The following HPGDS variants were observed in gnomAD, a reference collection of about 807,000 sequenced individuals.
The protein encoded by HPGDS is GST class-sigma.
A neutral mutation model predicts 23.1 loss-of-function variants in HPGDS; 26 were observed. The observed-to-expected ratio is 1.13, with a 90% CI of 0.83 to 1.56. The LOEUF is 1.56. Among genes scored for constraint, HPGDS ranks in the 40% most tolerant of loss-of-function variants. The pLI, the probability that HPGDS is intolerant of heterozygous loss-of-function variation, is 0.00. For missense variants in HPGDS, 268 were observed against 236.4 expected (o/e 1.13, Z -0.88); for synonymous variants, 95 against 77.9 (o/e 1.22, Z -1.16).
chr4:94,336,912 AAG>A (rs1285278964), intron 1 of HPGDS, among the ~76,000 whole-genome samples: 7 of 151,818 alleles, frequency 4.6e-5, no homozygotes, highest in African/African-American at 1.7e-4. Context: ...AGAGTGGAAA[AAG>A]TTTGATTATT....
At chr4:94,324,609 C>G (rs556922569) in intron 2 of HPGDS, among the ~76,000 whole-genome samples, 7 of 152,264 alleles carry the variant, frequency 4.6e-5, no homozygotes, top group African/African-American at 1.4e-4. Flanking sequence ...TCAGCTCCAT[C>G]AAGTCATTTA....
chr4:94,325,653 G>A (rs182861091), intron 2 of HPGDS, among the ~76,000 whole-genome samples: 1 of 152,180 alleles, frequency 6.6e-6, no homozygotes, highest in East Asian at 1.9e-4. Context: ...GCAGTATTTG[G>A]GTGGCAGTGT....
In HPGDS at chr4:94,317,946, G is replaced by T; in HGVS notation, c.153C>A (p.Ile51=). 6.2e-7 allele frequency: 1 copy of T among 1,609,818 alleles called. No individual in the cohort carries two copies. Among genetic ancestry groups the T allele is most frequent in the Non-Finnish European group, 8.5e-7 (1 of 1,177,354 alleles). Residue 51 remains isoleucine (I), a synonymous_variant, in exon 3 of 6, where the codon ATC becomes ATA. Coordinates refer to ENST00000295256, the MANE Select transcript of HPGDS (RefSeq NM_014485.3). ...EIKSTLPFGK[I]PILEVDGLTL... ...TAAGTCCATCAACTTCCAAAATGGGGATTTTTCCAAATGGGAGAGCTTAAA... is the reference window on the plus strand; with the variant it reads ...TAAGTCCATCAACTTCCAAAATGGGTATTTTTCCAAATGGGAGAGCTTAAA...
At chr4:94,303,226 G>A (rs545339713) in intron 4 of HPGDS, among the ~76,000 whole-genome samples, 315 of 152,096 alleles carry the variant, frequency 2.1e-3, no homozygotes, top group African/African-American at 7.3e-3. Flanking sequence ...ATTTGCAAAA[G>A]CATCCTTACA....
At chr4:94,315,249 A>C (rs962709837) in intron 3 of HPGDS, among the ~76,000 whole-genome samples, 5 of 152,148 alleles carry the variant, frequency 3.3e-5, no homozygotes, top group African/African-American at 1.2e-4. Context: ...CGAGCTGTAG[A>C]CTGGAGCTGT....
At chr4:94,327,122 A>G (rs1756646124) in intron 2 of HPGDS, among the ~76,000 whole-genome samples, 1 of 151,768 alleles carries the variant, frequency 6.6e-6, no homozygotes, top group Admixed American at 6.6e-5. Flanking sequence ...GTGGATTCCT[A>G]GGCCCCTGAA....
chr4:94,327,293 G>A (rs1283590051), intron 2 of HPGDS, among the ~76,000 whole-genome samples: 1 of 152,134 alleles, frequency 6.6e-6, no homozygotes, highest in Non-Finnish European at 1.5e-5. Flanking sequence ...TGATCCTCAG[G>A]CCACTGGACA....
chr4:94,303,516 G>T (rs767111164), intron 4 of HPGDS, among the ~76,000 whole-genome samples: 2 of 152,118 alleles, frequency 1.3e-5, no homozygotes, highest in Non-Finnish European at 2.9e-5. Flanking sequence ...TATAAAGCTT[G>T]TCATTATTTT....
At position 94,308,651 on chromosome 4, in the gene HPGDS, T is replaced by C. The variant is rs1033223607; in HGVS notation, c.319A>G (p.Lys107Glu). 12 of 1,593,112 alleles carry C rather than the reference T, an allele frequency of 7.5e-6. No individual in the cohort carries two copies. The African/African-American group carries it at 9.4e-5, about 12-fold the overall frequency. The change falls in exon 4 of 6, where the codon AAA becomes GAA. Residue 107 changes from lysine to glutamate, a missense_variant. Lys to Glu is a moderately conservative substitution (Grantham distance 56). Coordinates refer to ENST00000295256, the MANE Select transcript of HPGDS (RefSeq NM_014485.3). ...DFMSCFPWAE[K>E]KQDVKEQMFN... ...CACATTACTTTCACATCTTGCTTTT[T>C]CTCTGCCCAAGGAAAACATGACATG...
intron 2 of HPGDS, among the ~76,000 whole-genome samples, chr4:94,320,015 G>T (rs1756471739): frequency 6.6e-6 from 1 of 152,094 alleles, no homozygotes; most frequent in Admixed American, 6.6e-5. Flanking sequence ...TGCAGTGTTT[G>T]GTTTTCTGTC....
intron 2 of HPGDS, among the ~76,000 whole-genome samples, chr4:94,319,163 T>C (rs1316190172): frequency 2.0e-5 from 3 of 152,232 alleles, no homozygotes; most frequent in African/African-American, 7.2e-5. Context: ...TACATTAGAA[T>C]CTATCTCTAA....
At chr4:94,315,971 C>T (rs2126039552) in intron 3 of HPGDS, among the ~76,000 whole-genome samples, 1 of 152,220 alleles carries the variant, frequency 6.6e-6, no homozygotes, top group Admixed American at 6.5e-5. Flanking sequence ...TCTTTTGGCC[C>T]CTGAACATTC....
chr4:94,311,168 A>T (rs775458271), intron 3 of HPGDS, among the ~76,000 whole-genome samples: 1 of 152,100 alleles, frequency 6.6e-6, no homozygotes, highest in Non-Finnish European at 1.5e-5. Flanking sequence ...AACTTCCAAC[A>T]CTGTGTTGAA....
At chr4:94,306,480 A>G (rs1416218121) in intron 4 of HPGDS, among the ~76,000 whole-genome samples, 1 of 152,106 alleles carries the variant, frequency 6.6e-6, no homozygotes, top group East Asian at 1.9e-4. Context: ...GCACCTGTGA[A>G]GGGAAAGCCA....
chr4:94,318,588 A>T (rs1045414930), intron 2 of HPGDS, among the ~76,000 whole-genome samples: 1 of 152,138 alleles, frequency 6.6e-6, no homozygotes, highest in African/African-American at 2.4e-5. Context: ...GGTCTGAGAA[A>T]ATACTTGATA....
intron 2 of HPGDS, among the ~76,000 whole-genome samples, chr4:94,318,166 T>A (rs1035676015): frequency 2.0e-5 from 3 of 152,198 alleles, no homozygotes; most frequent in Non-Finnish European, 2.9e-5. Flanking sequence ...AAAACCTGAT[T>A]TAAAATTAGT....
Position 94,340,309 on chromosome 4 carries a change from C to CTTTTTCTTT in HPGDS, c.-10+2485_-10+2486insAAAGAAAAA, listed in dbSNP as rs1560597992. ...TCTTTCTTTCTTTCTTTCTTTCTTT[C>CTTTTTCTTT]TCTTTTTTTTTTTTTTTTTTTTTTT... On this transcript the variant is annotated intron_variant, in intron 1 of 5. Transcript: ENST00000295256. Among the ~76,000 whole-genome samples, 7 of 28,794 alleles carry CTTTTTCTTT rather than the reference C, an allele frequency of 2.4e-4. 1 individual carries two copies. Among genetic ancestry groups the CTTTTTCTTT allele is most frequent in the South Asian group, 3.6e-3 (2 of 562 alleles). 18.9% of individuals were successfully genotyped at this position (28,794 alleles called of 152,430 possible). A position where few individuals can be genotyped will look rare whatever the true frequency, so the allele number is the denominator to read the frequency against.
At chr4:94,304,659 A>T (rs1756107428) in intron 4 of HPGDS, among the ~76,000 whole-genome samples, 1 of 152,110 alleles carries the variant, frequency 6.6e-6, no homozygotes. Flanking sequence ...CTGCTTGTTA[A>T]TTAGATAGTC....
chr4:94,340,305 C>CTTTTTTTTTTTTTT (rs781532046), intron 1 of HPGDS, among the ~76,000 whole-genome samples: 1 of 26,200 alleles, frequency 3.8e-5, no homozygotes, highest in African/African-American at 1.5e-4. Flanking sequence ...TTCTTTCTTT[C>CTTTTTTTTTTTTTT]TTTCTCTTTT....
Sources: gnomAD v4.1 joint callset for allele counts (sites outside exome capture counted in the v4.1 genomes callset) on GRCh38, gnomAD v4.1.1 for gene constraint, MANE v1.5 for transcripts, NCBI Gene and HGNC (gene_info 2026-07-23, HGNC 2026-07-21) for gene names.